The following UHRF1 variants were observed in gnomAD, a reference collection of about 807,000 sequenced individuals.
UHRF1 encodes ubiquitin like with PHD and ring finger domains 1.
UHRF1 carries 9 observed loss-of-function variants against 96.5 expected under a neutral mutation model. The ratio of observed to expected loss-of-function variants is 0.09; its 90% CI spans 0.06 to 0.16. The LOEUF (loss-of-function observed/expected upper bound fraction) is 0.16, where lower values mean the gene tolerates loss of function less well. Ranked by LOEUF, UHRF1 falls within the 10% of genes least tolerant of loss-of-function variation. UHRF1 has a pLI of 1.00. For missense variants in UHRF1, 626 were observed against 1,131.1 expected (o/e 0.55, Z 6.40); for synonymous variants, 455 against 469.9 (o/e 0.97, Z 0.41).
chr19:4,934,346 T>C (rs555532445), intron 5 of UHRF1, among the ~76,000 whole-genome samples: 5 of 152,294 alleles, frequency 3.3e-5, no homozygotes, highest in South Asian at 2.1e-4. Flanking sequence ...AAATTTACCA[T>C]TGGAACCATG....
At chr19:4,958,972 A>ATTG (rs1423162383) in intron 16 of UHRF1, among the ~76,000 whole-genome samples, 2 of 151,366 alleles carry the variant, frequency 1.3e-5, no homozygotes, top group African/African-American at 4.9e-5. Context: ...AAAAAAAAAA[A>ATTG]AAAAAAATTG....
upstream of UHRF1, among the ~76,000 whole-genome samples, chr19:4,905,119 T>G (rs1002226969): frequency 2.8e-5 from 4 of 141,350 alleles, no homozygotes; most frequent in African/African-American, 8.0e-5. Flanking sequence ...TTTTTTTTTT[T>G]TTTTTTTTTT....
At chr19:4,956,844 G>C in intron 16 of UHRF1, 31 bp downstream of exon 16, 1 of 1,474,500 alleles carries the variant, frequency 6.8e-7, no homozygotes, top group Non-Finnish European at 9.3e-7. Flanking sequence ...GAGCCGGGTG[G>C]AAGGTTCTGG....
At chr19:4,952,962 C>T (rs927489133) in intron 13 of UHRF1, among the ~76,000 whole-genome samples, 11 of 152,110 alleles carry the variant, frequency 7.2e-5, no homozygotes, top group Non-Finnish European at 1.5e-4. Flanking sequence ...GCAGTCCAGA[C>T]CCATAAGGCT....
chr19:4,930,967 C>G lies in UHRF1; in HGVS notation c.569+91C>G. 1 of 1,535,072 alleles carries G rather than the reference C, an allele frequency of 6.5e-7. No individual in the cohort carries two copies. The highest frequency in any genetic ancestry group is 1.2e-5 in the South Asian group (1 of 83,560). ...TGTTCAGGCCAGAGCTTGGCACTGT[C>G]TCGAGATGGTGATCAGGATCTGGGG... On this transcript the variant is annotated intron_variant, in intron 4 of 16. Transcript: ENST00000650932. The surrounding 1 kb of genome is among the most constrained non-coding windows in gnomAD (Gnocchi z 4.4).
At chr19:4,933,475 A>G (rs2033122757) in intron 5 of UHRF1, among the ~76,000 whole-genome samples, 1 of 151,916 alleles carries the variant, frequency 6.6e-6, no homozygotes, top group Non-Finnish European at 1.5e-5. Context: ...CGGCCTCCCA[A>G]AGTGCTGGGA....
At chr19:4,940,998 T>C (rs560632474) in intron 5 of UHRF1, among the ~76,000 whole-genome samples, 29 of 151,874 alleles carry the variant, frequency 1.9e-4, no homozygotes, top group African/African-American at 7.0e-4. Flanking sequence ...TGCTTGTCGG[T>C]TCTTGTGGAT....
chr19:4,935,861 C>T (rs1343586223), intron 5 of UHRF1, among the ~76,000 whole-genome samples: 2 of 152,142 alleles, frequency 1.3e-5, no homozygotes, highest in East Asian at 1.9e-4. Context: ...GCTCCATCCG[C>T]ACCAGTTATA....
chr19:4,956,548 C>G (rs945288835), intron 15 of UHRF1, among the ~76,000 whole-genome samples, 161 bp from the exon 16 acceptor site: 7 of 152,188 alleles, frequency 4.6e-5, no homozygotes, highest in Non-Finnish European at 8.8e-5. Flanking sequence ...CCTGTTGGGC[C>G]TCTGTTTTTC....
chr19:4,914,650 C>T (rs991285900), intron 2 of UHRF1, among the ~76,000 whole-genome samples: 8 of 151,006 alleles, frequency 5.3e-5, no homozygotes, highest in Non-Finnish European at 1.0e-4. Flanking sequence ...GCCCCCACCC[C>T]TCAATCTTTT....
intron 5 of UHRF1, among the ~76,000 whole-genome samples, chr19:4,933,534 CTT>C (rs1166052439): frequency 1.3e-5 from 2 of 152,152 alleles, no homozygotes; most frequent in South Asian, 2.1e-4. Context: ...CTTTTTCTCT[CTT>C]GTTTGTTTCA....
chr19:4,938,149 G>A (rs573840922), intron 5 of UHRF1, among the ~76,000 whole-genome samples: 182 of 152,096 alleles, frequency 1.2e-3, no homozygotes, highest in Non-Finnish European at 2.1e-3. Flanking sequence ...GCAAGATTCC[G>A]TCTCGGTGGG....
intron 5 of UHRF1, among the ~76,000 whole-genome samples, chr19:4,939,002 C>T (rs2033303577): frequency 2.0e-5 from 3 of 151,756 alleles, no homozygotes; most frequent in Admixed American, 1.3e-4. Context: ...CAACCTCCAC[C>T]TCCCGGGTTC....
intron 1 of UHRF1, chr19:4,910,153 C>G (rs2032199643): frequency 1.3e-5 from 2 of 151,430 alleles, no homozygotes; most frequent in Admixed American, 1.3e-4. Context: ...CGTGGGCTCG[C>G]TGGCGCGACC....
rs1175489960 is a variant in UHRF1 at position 4,930,969 on chromosome 19, C to T, written c.569+93C>T. 1.2e-5 allele frequency: 19 copies of T among 1,530,670 alleles called. No individual in the cohort carries two copies. Among genetic ancestry groups the T allele is most frequent in the Admixed American group, 3.5e-5 (2 of 57,180 alleles). The allele number at this position is 1,530,670 out of a possible 1,614,324, so 94.8% of individuals were successfully genotyped here. A position where few individuals can be genotyped will look rare whatever the true frequency, so the allele number is the denominator to read the frequency against. On this transcript the variant is annotated intron_variant, in intron 4 of 16. Coordinates refer to ENST00000650932, the MANE Select transcript of UHRF1 (RefSeq NM_001048201.3). This position sits in a 1 kb window ranked among gnomAD's most constrained non-coding sequence, Gnocchi z 4.4. ...TTCAGGCCAGAGCTTGGCACTGTCT[C>T]GAGATGGTGATCAGGATCTGGGGCC...
chr19:4,960,501 G>A (rs983949271), intron 16 of UHRF1, among the ~76,000 whole-genome samples, 156 bp from the exon 17 acceptor site: 5 of 152,182 alleles, frequency 3.3e-5, no homozygotes, highest in African/African-American at 1.2e-4. Context: ...CCCCTAGGGG[G>A]GCCAGGCTGG....
chr19:4,907,018 A>C (rs1353120758), upstream of UHRF1, among the ~76,000 whole-genome samples: 3 of 152,232 alleles, frequency 2.0e-5, no homozygotes. Context: ...GGTTGCAAAC[A>C]GTGAACAGCA....
At chr19:4,935,067 G>C (rs1028279255) in intron 5 of UHRF1, among the ~76,000 whole-genome samples, 1 of 151,798 alleles carries the variant, frequency 6.6e-6, no homozygotes, top group East Asian at 1.9e-4. Flanking sequence ...TCCACCTCCC[G>C]GGTTCAAGGG....
Position 4,944,441 on chromosome 19 carries a change from C to T in UHRF1, c.1296C>T (p.Phe432=). 1 of 1,613,964 alleles carries T rather than the reference C, an allele frequency of 6.2e-7. No individual in the cohort carries two copies. The highest frequency in any genetic ancestry group is 8.5e-7 in the Non-Finnish European group (1 of 1,179,890). The change falls in exon 9 of 17, where the codon TTC becomes TTT. Residue 432 remains phenylalanine (F), a synonymous_variant. Transcript: ENST00000650932. ...TCCCCGTGGGCACCATGTGGCGGTTCCGAGTCCAGGTACCTGCAGCGTCCC... is the reference window on the plus strand; with the variant it reads ...TCCCCGTGGGCACCATGTGGCGGTTTCGAGTCCAGGTACCTGCAGCGTCCC... ...PGIPVGTMWR[F]RVQVSESGVH...
Sources: gnomAD v4.1 joint callset for allele counts (sites outside exome capture counted in the v4.1 genomes callset) on GRCh38, gnomAD v4.1.1 for gene constraint, Gnocchi (gnomAD v3.1) non-coding constraint, MANE v1.5 for transcripts, NCBI Gene and HGNC (gene_info 2026-07-23, HGNC 2026-07-21) for gene names.